Variants in DERL1 observed in about 807,000 individuals in gnomAD.
DERL1 encodes the protein derlin-1.
In DERL1, 24 loss-of-function variants were observed where a neutral mutation model predicts 41.6. The ratio of observed to expected loss-of-function variants is 0.58; its 90% CI spans 0.42 to 0.81. The LOEUF is 0.81. Ranked by LOEUF, DERL1 falls within the 30% of genes least tolerant of loss-of-function variation. The pLI is 0.00. For missense variants in DERL1, 260 were observed against 314.3 expected (o/e 0.83, Z 1.31); for synonymous variants, 124 against 112.5 (o/e 1.10, Z -0.65).
At chr8:123,025,802 T>C (rs996539825) in intron 2 of DERL1, 7 of 152,308 alleles carry the variant, frequency 4.6e-5, no homozygotes, top group Middle Eastern at 6.8e-3. Context: ...TTCTTACAGA[T>C]GCAGAGTTAA....
chr8:123,023,188 A>G (rs965356981), intron 4 of DERL1, among the ~76,000 whole-genome samples: 1 of 152,204 alleles, frequency 6.6e-6, no homozygotes, highest in Non-Finnish European at 1.5e-5. Context: ...GAGGCCAGAA[A>G]TGAGCAAGGA....
chr8:123,014,251 T>A lies in DERL1; in HGVS notation c.*1196A>T, dbSNP rs1054876342. On this transcript the variant is annotated 3_prime_UTR_variant, in exon 8 of 8. Transcript: ENST00000259512. ...TTTAAGCTGGTCTGATTCACAGAGC[T>A]TGTACATTCATGACTCAAAATAACA... 2.6e-5 allele frequency: 4 copies of A among 152,672 alleles called. No homozygotes were observed. In the East Asian group the frequency reaches 7.7e-4, roughly 29 times the overall value. The allele number at this position is 152,672 out of a possible 1,614,324, so 9.5% of individuals were successfully genotyped here.
At chr8:123,021,565 G>A (rs930645957) in intron 5 of DERL1, 66 bp from the exon 6 acceptor site, 2 of 1,421,958 alleles carry the variant, frequency 1.4e-6, no homozygotes, top group Non-Finnish European at 2.0e-6. Flanking sequence ...CTACTACGGG[G>A]ACTAAAGTGG....
At position 123,042,171 on chromosome 8, in the gene DERL1, G is replaced by C. The variant is rs980705861; in HGVS notation, c.-49C>G. On this transcript the variant is annotated 5_prime_UTR_variant, in exon 1 of 8. Coordinates refer to ENST00000259512, the MANE Select transcript of DERL1 (RefSeq NM_024295.6). ...TGCACAAGACCGCCCGACTCCCCGTGCCGACCCCCTCACGACGCGGCCGGC... is the reference window on the plus strand; with the variant it reads ...TGCACAAGACCGCCCGACTCCCCGTCCCGACCCCCTCACGACGCGGCCGGC... 1 of 1,534,394 alleles carries C rather than the reference G, an allele frequency of 6.5e-7. No individual in the cohort carries two copies. The highest frequency in any genetic ancestry group is 1.9e-5 in the Admixed American group (1 of 53,212).
Position 123,018,884 on chromosome 8 carries a change from C to T in DERL1, c.617+311G>A, listed in dbSNP as rs1015928670. 56 of 350,764 alleles carry T rather than the reference C, an allele frequency of 1.6e-4. 1 individual carries two copies. The South Asian group carries it at 1.7e-3, about 10-fold the overall frequency. The allele number at this position is 350,764 out of a possible 1,614,324, so 21.7% of individuals were successfully genotyped here. ...ACTAACCTGTGACTCTGCCCATTCACCAGCCTACTGTTTCGCACTCTGGAG... is the reference window on the plus strand; with the variant it reads ...ACTAACCTGTGACTCTGCCCATTCATCAGCCTACTGTTTCGCACTCTGGAG... On this transcript the variant is annotated intron_variant, in intron 7 of 7. Transcript: ENST00000259512.
intron 1 of DERL1, among the ~76,000 whole-genome samples, chr8:123,032,873 T>C (rs1812845850): frequency 6.6e-6 from 1 of 150,922 alleles, no homozygotes; most frequent in Admixed American, 6.6e-5. Context: ...CTTTTTTTTT[T>C]TTTTTTTTGA....
At chr8:123,041,818 C>G (rs907709390) in intron 1 of DERL1, 152 bp downstream of exon 1, 14 of 1,114,178 alleles carry the variant, frequency 1.3e-5, no homozygotes, top group Non-Finnish European at 1.5e-5. Context: ...AGAGCCTCCC[C>G]GGGCCCAAAG....
intron 3 of DERL1, among the ~76,000 whole-genome samples, chr8:123,024,100 T>A (rs1812628616): frequency 1.3e-5 from 2 of 152,222 alleles, no homozygotes; most frequent in African/African-American, 2.4e-5. Flanking sequence ...CATTAGACGA[T>A]ACCATGACAA....
In DERL1 at chr8:123,020,645, T is replaced by C. The variant is rs189146081; in HGVS notation, c.506+802A>G. ...CAATAGACTAGATATTTGACCCTGG[T>C]TGGCCAAAAGTTCTGTATTATCATC... On this transcript the variant is annotated intron_variant, in intron 6 of 7. Transcript: ENST00000259512. Among the ~76,000 whole-genome samples the C allele has an allele frequency of 3.3e-5, 5 of 151,052 alleles. No individual in the cohort carries two copies. The South Asian group carries it at 6.3e-4, about 19-fold the overall frequency.
At chr8:123,040,259 T>G (rs1404090828) in intron 1 of DERL1, among the ~76,000 whole-genome samples, 1 of 151,896 alleles carries the variant, frequency 6.6e-6, no homozygotes, top group Admixed American at 6.6e-5. Flanking sequence ...GGATAAGGGA[T>G]AAGGGAGTGG....
chr8:123,016,492 T>C (rs1814573432), intron 7 of DERL1: 1 of 152,210 alleles, frequency 6.6e-6, no homozygotes, highest in Non-Finnish European at 1.5e-5. Context: ...GCTTTATACT[T>C]GACCTTATAC....
At chr8:123,025,106 T>G (rs1219481160) in intron 2 of DERL1, 56 bp from the exon 3 acceptor site, 1 of 1,563,340 alleles carries the variant, frequency 6.4e-7, no homozygotes, top group Non-Finnish European at 8.7e-7. Context: ...CAAAGTAACA[T>G]CTACATAGAG....
chr8:123,030,973 C>T (rs1443278890), intron 1 of DERL1, among the ~76,000 whole-genome samples: 1 of 152,194 alleles, frequency 6.6e-6, no homozygotes, highest in Admixed American at 6.5e-5. Flanking sequence ...AAAATCAATA[C>T]TATATGAGTA....
intron 3 of DERL1, 88 bp downstream of exon 3, chr8:123,024,898 T>G (rs1255936279): frequency 3.7e-6 from 5 of 1,355,716 alleles, no homozygotes; most frequent in Non-Finnish European, 5.1e-6. Context: ...ATATTGTAAT[T>G]TGAAACGTTT....
In DERL1 at chr8:123,022,831, G is replaced by C. The variant is rs1812596639; in HGVS notation, c.358-52C>G. 2.7e-6 allele frequency: 4 copies of C among 1,482,282 alleles called. No individual in the cohort carries two copies. In the African/African-American group the frequency reaches 5.6e-5, roughly 21 times the overall value. 91.8% of individuals were successfully genotyped at this position (1,482,282 alleles called of 1,614,324 possible). A position where few individuals can be genotyped will look rare whatever the true frequency, so the allele number is the denominator to read the frequency against. ...CCAGGCTCCAGAGGCACTTAAAAAAGGTGTACATCTACTATGCTTTTTACC... is the reference window on the plus strand; with the variant it reads ...CCAGGCTCCAGAGGCACTTAAAAAACGTGTACATCTACTATGCTTTTTACC... On this transcript the variant is annotated intron_variant, in intron 4 of 7. Coordinates refer to ENST00000259512, the MANE Select transcript of DERL1 (RefSeq NM_024295.6).
intron 1 of DERL1, among the ~76,000 whole-genome samples, chr8:123,036,577 C>G (rs981099575): frequency 1.3e-5 from 2 of 152,158 alleles, no homozygotes; most frequent in Middle Eastern, 3.2e-3. Flanking sequence ...ATTATACATA[C>G]ACTTTCCTGC....
intron 1 of DERL1, among the ~76,000 whole-genome samples, chr8:123,033,702 C>T (rs139776602): frequency 2.6e-4 from 40 of 152,314 alleles, no homozygotes; most frequent in African/African-American, 8.4e-4. Flanking sequence ...GAGATCACAA[C>T]ACTGCACTCC....
chr8:123,017,471 T>C (rs1461881555), intron 7 of DERL1: 2 of 152,158 alleles, frequency 1.3e-5, no homozygotes, highest in East Asian at 3.8e-4. Context: ...ACTGCTTAAG[T>C]AGATAGTGAA....
At position 123,013,357 on chromosome 8, in the gene DERL1, C is replaced by T. The variant is rs1283610435; in HGVS notation, c.*2090G>A. On this transcript the variant is annotated 3_prime_UTR_variant, in exon 8 of 8. Transcript: ENST00000259512. Reference sequence around the variant, plus strand: ...TAACACAGACAACCTTCAAGTTGCACATTTTAATTTACAATTTTTACCAAT... The same window carrying T: ...TAACACAGACAACCTTCAAGTTGCATATTTTAATTTACAATTTTTACCAAT... The T allele has an allele frequency of 1.3e-5, 2 of 152,112 alleles. No individual in the cohort carries two copies. Among genetic ancestry groups the T allele is most frequent in the Non-Finnish European group, 2.9e-5 (2 of 68,016 alleles). The allele number at this position is 152,112 out of a possible 1,614,324, so 9.4% of individuals were successfully genotyped here. A position where few individuals can be genotyped will look rare whatever the true frequency, so the allele number is the denominator to read the frequency against.
Sources: allele counts gnomAD v4.1 joint callset (sites outside exome capture counted in the v4.1 genomes callset), GRCh38; gene constraint gnomAD v4.1.1; transcripts MANE v1.5; gene names NCBI Gene and HGNC (gene_info 2026-07-23, HGNC 2026-07-21).